The following STMND1 variants were observed in gnomAD, a reference collection of about 807,000 sequenced individuals.
STMND1 encodes stathmin domain-containing protein 1.
In STMND1, 17 loss-of-function variants were observed where a neutral mutation model predicts 23.0. The ratio of observed to expected loss-of-function variants is 0.74; its 90% CI spans 0.51 to 1.11. STMND1 has a LOEUF of 1.11. Among genes scored for constraint, STMND1 ranks in the 50% least tolerant of loss-of-function variants. The pLI, the probability that STMND1 is intolerant of heterozygous loss-of-function variation, is 0.00. For missense variants in STMND1, 305 were observed against 329.1 expected, an observed-to-expected ratio of 0.93 and a Z score of 0.57; for synonymous variants, 114 against 119.9, an observed-to-expected ratio of 0.95 and a Z score of 0.32.
At chr6:17,120,863 A>G (rs1331844534) in intron 3 of STMND1, 105 bp downstream of exon 3, 12 of 915,592 alleles carry the variant, frequency 1.3e-5, no homozygotes, top group Non-Finnish European at 1.7e-5. Flanking sequence ...AATACAGATA[A>G]CAGCATTTAT....
chr6:17,130,221 C>T (rs1421453481), intron 4 of STMND1, among the ~76,000 whole-genome samples: 1 of 152,110 alleles, frequency 6.6e-6, no homozygotes, highest in Non-Finnish European at 1.5e-5. Context: ...GGAGTAAAGG[C>T]AGGGTTGAGG....
chr6:17,109,045 T>G (rs1301847575), intron 1 of STMND1, among the ~76,000 whole-genome samples: 1 of 152,172 alleles, frequency 6.6e-6, no homozygotes, highest in Non-Finnish European at 1.5e-5. Flanking sequence ...TGTAATATGT[T>G]GTATGTAAAG....
chr6:17,126,620 G>A (rs1380790878), intron 3 of STMND1, among the ~76,000 whole-genome samples: 5 of 152,218 alleles, frequency 3.3e-5, no homozygotes, highest in South Asian at 2.1e-4. Context: ...TTGAGCCACC[G>A]TAGCAAGTAT....
intron 4 of STMND1, among the ~76,000 whole-genome samples, chr6:17,129,995 G>A (rs1761366260): frequency 6.6e-6 from 1 of 152,146 alleles, no homozygotes; most frequent in Admixed American, 6.5e-5. Context: ...CCTGTAGCTA[G>A]GATTTTAACG....
At chr6:17,112,334 C>T (rs2113479072) in intron 1 of STMND1, among the ~76,000 whole-genome samples, 1 of 152,236 alleles carries the variant, frequency 6.6e-6, no homozygotes, top group East Asian at 1.9e-4. Context: ...CTTTGGATGA[C>T]TGTACCACAT....
Position 17,114,733 on chromosome 6 carries a change from G to A in STMND1, c.82-229G>A, listed in dbSNP as rs191980823. ...CAGCTGTAAATAAAGATGAAGCTTC[G>A]CTGGCTAGCCCACTCCTCACCTCCC... On this transcript the variant is annotated intron_variant, in intron 1 of 4. Coordinates refer to ENST00000536551, the MANE Select transcript of STMND1 (RefSeq NM_001190766.2). 4.6e-5 allele frequency among the ~76,000 whole-genome samples: 7 copies of A among 152,240 alleles called. No homozygotes were observed. The East Asian group carries it at 7.7e-4, about 17-fold the overall frequency.
chr6:17,128,023 T>C (rs1007857613), intron 3 of STMND1: 1 of 152,128 alleles, frequency 6.6e-6, no homozygotes, highest in Non-Finnish European at 1.5e-5. Flanking sequence ...CAAAGGTTCA[T>C]GCTAAGGACT....
chr6:17,105,429 T>G (rs1761010574), intron 1 of STMND1, among the ~76,000 whole-genome samples: 1 of 151,694 alleles, frequency 6.6e-6, no homozygotes, highest in Non-Finnish European at 1.5e-5. Flanking sequence ...GCGGATCACC[T>G]GAGGTCAGGG....
intron 2 of STMND1, among the ~76,000 whole-genome samples, chr6:17,115,797 G>T (rs1761152197): frequency 6.6e-6 from 1 of 152,202 alleles, no homozygotes; most frequent in African/African-American, 2.4e-5. Flanking sequence ...CAGGGGGGAA[G>T]ACTTTTGCTC....
chr6:17,123,980 A>G lies in STMND1; in HGVS notation c.411+3222A>G, dbSNP rs376345823. On this transcript the variant is annotated intron_variant, in intron 3 of 4. Transcript: ENST00000536551. ...GAAGGACTGAGAGGGGAACCATATT[A>G]AGAATGGAAATATTATTAGATAATA... is the stretch of plus-strand genomic sequence containing the variant. 7.2e-5 allele frequency among the ~76,000 whole-genome samples: 11 copies of G among 152,172 alleles called. 1 individual carries two copies. The highest frequency in any genetic ancestry group is 6.5e-4 in the Admixed American group (10 of 15,274).
rs1761386595 is a variant in STMND1, at chr6:17,131,065, T to C, written c.*184T>C. On this transcript the variant is annotated 3_prime_UTR_variant, in exon 5 of 5. Coordinates refer to ENST00000536551, the MANE Select transcript of STMND1 (RefSeq NM_001190766.2). ...AGTAAATTAAGTAGCTATGCTAGCT[T>C]TTAAAAAAAGAGCGAGGGGGAGACT... 1.9e-6 allele frequency: 1 copy of C among 536,960 alleles called. No homozygotes were observed. Among genetic ancestry groups the C allele is most frequent in the African/African-American group, 1.9e-5 (1 of 52,602 alleles). 33.3% of individuals were successfully genotyped at this position (536,960 alleles called of 1,614,324 possible).
At chr6:17,113,604 G>A (rs558081002) in intron 1 of STMND1, among the ~76,000 whole-genome samples, 2 of 150,212 alleles carry the variant, frequency 1.3e-5, no homozygotes, top group African/African-American at 4.9e-5. Context: ...TTTATATTAT[G>A]TAATTATTTT....
chr6:17,115,149 C>G lies in STMND1; in HGVS notation c.259+10C>G, dbSNP rs1486214436. ...AGACGAGTAAATTCAGGTAACCTCC[C>G]TCTGCCCCCATTCACGTAGATCTTC... On this transcript the variant is annotated intron_variant, in intron 2 of 4. Transcript: ENST00000536551. 5 of 1,531,626 alleles carry G rather than the reference C, an allele frequency of 3.3e-6. No homozygotes were observed. The African/African-American group carries it at 5.5e-5, about 17-fold the overall frequency. The allele number at this position is 1,531,626 out of a possible 1,614,324, so 94.9% of individuals were successfully genotyped here. A position where few individuals can be genotyped will look rare whatever the true frequency, so the allele number is the denominator to read the frequency against.
intron 3 of STMND1, among the ~76,000 whole-genome samples, chr6:17,125,790 G>A (rs941533852): frequency 4.6e-5 from 7 of 152,108 alleles, no homozygotes; most frequent in African/African-American, 1.7e-4. Flanking sequence ...AGGTTCATCC[G>A]TAGGTCAATA....
chr6:17,126,926 G>A (rs1345287642), intron 3 of STMND1, among the ~76,000 whole-genome samples: 2 of 152,188 alleles, frequency 1.3e-5, no homozygotes, highest in Admixed American at 1.3e-4. Context: ...TGAGTCCAAA[G>A]AGAAGAGCTG....
intron 3 of STMND1, among the ~76,000 whole-genome samples, 189 bp downstream of exon 3, chr6:17,120,947 C>T (rs1761225582): frequency 6.6e-6 from 1 of 152,192 alleles, no homozygotes; most frequent in South Asian, 2.1e-4. Context: ...GTTCTGTGCT[C>T]CCACCCAAAT....
chr6:17,119,249 G>A (rs1054638741), intron 2 of STMND1, among the ~76,000 whole-genome samples: 2 of 152,164 alleles, frequency 1.3e-5, no homozygotes, highest in Non-Finnish European at 2.9e-5. Context: ...GAAAACTGTT[G>A]GAGTTACTTG....
At position 17,129,189 on chromosome 6, in the gene STMND1, T is replaced by A. The variant is rs1240183396; in HGVS notation, c.489T>A (p.Asp163Glu). Residue 163 changes from aspartate (D) to glutamate (E), a missense_variant, in exon 4 of 5, where the codon GAT becomes GAA. Coordinates refer to ENST00000536551, the MANE Select transcript of STMND1 (RefSeq NM_001190766.2). The stretch of plus-strand genomic sequence containing the variant: ...TCAAGATCAAAAAGCAAGTGAAGGA[T>A]TTCACAATGAAGGACATCGAGGAGA... ...KKLKIKKQVKDFTMKDIEEKM... is the reference protein window; with the variant it reads ...KKLKIKKQVKEFTMKDIEEKM... 1 of 1,535,880 alleles carries A rather than the reference T, an allele frequency of 6.5e-7. No individual in the cohort carries two copies. The highest frequency in any genetic ancestry group is 1.2e-5 in the South Asian group (1 of 84,050).
chr6:17,128,094 T>A (rs906066615), intron 3 of STMND1: 1 of 152,196 alleles, frequency 6.6e-6, no homozygotes, highest in Non-Finnish European at 1.5e-5. Flanking sequence ...TCAGTTATAT[T>A]TTTTATAATC....
Sources: allele counts gnomAD v4.1 joint callset (sites outside exome capture counted in the v4.1 genomes callset), GRCh38; gene constraint gnomAD v4.1.1; transcripts MANE v1.5; gene names NCBI Gene and HGNC (gene_info 2026-07-23, HGNC 2026-07-21).